Variants in TTC28 observed in about 807,000 individuals in gnomAD.
TTC28 encodes tetratricopeptide repeat domain 28.
Under a neutral mutation model 198.0 loss-of-function variants are expected in TTC28, and 61 were observed. The ratio of observed to expected loss-of-function variants is 0.31; its 90% CI spans 0.25 to 0.38. The LOEUF (loss-of-function observed/expected upper bound fraction) is 0.38. TTC28 is among the 10% of genes least tolerant of loss of function. TTC28 has a pLI of 1.00. For missense variants in TTC28, 2,678 were observed against 3,164.0 expected (o/e 0.85, Z 3.69); for synonymous variants, 1,171 against 1,297.8 (o/e 0.90, Z 2.10).
At chr22:28,404,702 A>G (rs1474111011) in intron 2 of TTC28, among the ~76,000 whole-genome samples, 1 of 152,228 alleles carries the variant, frequency 6.6e-6, no homozygotes, top group Non-Finnish European at 1.5e-5. Context: ...TACTAGAAGC[A>G]TTAACAATGG....
chr22:28,188,931 G>A (rs1336791574), intron 5 of TTC28, among the ~76,000 whole-genome samples: 2 of 152,068 alleles, frequency 1.3e-5, no homozygotes, highest in African/African-American at 2.4e-5. Context: ...CCTCATATGA[G>A]CAAAGATTAC....
chr22:28,083,738 G>A (rs184143243), intron 12 of TTC28, among the ~76,000 whole-genome samples: 58 of 152,206 alleles, frequency 3.8e-4, no homozygotes, highest in Admixed American at 3.7e-3. Context: ...GAAGCACAAG[G>A]GGTCAGGGAA....
At position 28,583,990 on chromosome 22, in the gene TTC28, T is replaced by G. The variant is rs951320717; in HGVS notation, c.381+45562A>C. ...TTATTTTCTCTCTTTCTCCGTTTTTTTTTTGTTTTGTTTTTGTTTTGTTTT... is the reference window on the plus strand; with the variant it reads ...TTATTTTCTCTCTTTCTCCGTTTTTGTTTTGTTTTGTTTTTGTTTTGTTTT... On this transcript the variant is annotated intron_variant, in intron 2 of 22. Coordinates refer to ENST00000397906, the MANE Select transcript of TTC28 (RefSeq NM_001145418.2). 1.9e-4 allele frequency among the ~76,000 whole-genome samples: 28 copies of G among 151,274 alleles called. No individual in the cohort carries two copies. The East Asian group carries it at 3.9e-3, about 21-fold the overall frequency.
At chr22:28,607,616 ATGTTAAGAC>A (rs1280271782) in intron 2 of TTC28, among the ~76,000 whole-genome samples, 1 of 152,212 alleles carries the variant, frequency 6.6e-6, no homozygotes, top group Non-Finnish European at 1.5e-5. Flanking sequence ...GCATGCACAG[ATGTTAAGAC>A]TTTTGGAATA....
intron 2 of TTC28, among the ~76,000 whole-genome samples, chr22:28,519,124 G>C (rs1169084263): frequency 1.3e-5 from 2 of 152,166 alleles, no homozygotes; most frequent in East Asian, 3.8e-4. Context: ...AGTGTAGCAG[G>C]AAGCAAGCCA....
At chr22:28,065,799 C>G in intron 12 of TTC28, among the ~76,000 whole-genome samples, 1 of 152,212 alleles carries the variant, frequency 6.6e-6, no homozygotes, top group East Asian at 1.9e-4. Context: ...GAGTTAGGCT[C>G]TGTCCATGTG....
intron 2 of TTC28, among the ~76,000 whole-genome samples, chr22:28,526,561 C>T (rs1359290461): frequency 6.6e-6 from 1 of 152,110 alleles, no homozygotes; most frequent in Non-Finnish European, 1.5e-5. Flanking sequence ...ACAGCTAGAA[C>T]CTAAGTAGAA....
At chr22:28,018,987 G>C (rs919278277) in intron 13 of TTC28, among the ~76,000 whole-genome samples, 60 of 152,220 alleles carry the variant, frequency 3.9e-4, no homozygotes, top group Non-Finnish European at 1.0e-4. Flanking sequence ...CACTGCAACA[G>C]TTAAAGCAAC....
chr22:28,564,575 AG>A (rs2049941067), intron 2 of TTC28, among the ~76,000 whole-genome samples: 1 of 151,920 alleles, frequency 6.6e-6, no homozygotes. Flanking sequence ...CTGTGATAGC[AG>A]TATTCCGTGG....
Position 28,062,931 on chromosome 22 carries a change from A to G in TTC28, c.3932+31149T>C, listed in dbSNP as rs184507890. ...CAGTCTTTTCTCTTAAAAATGAATC[A>G]CATTTTCCTGGTTCTTTAAATGTGA... On this transcript the variant is annotated intron_variant, in intron 12 of 22. Transcript: ENST00000397906. Among the ~76,000 whole-genome samples the G allele has an allele frequency of 1.6e-3, 245 of 152,310 alleles. 1 individual carries two copies. The highest frequency in any genetic ancestry group is 5.7e-3 in the African/African-American group (236 of 41,558).
Position 28,105,780 on chromosome 22 carries a change from C to A in TTC28, c.2806G>T (p.Ala936Ser), listed in dbSNP as rs955294172. The A allele has an allele frequency of 1.3e-6, 2 of 1,551,028 alleles. No individual in the cohort carries two copies. Among genetic ancestry groups the A allele is most frequent in the Non-Finnish European group, 1.7e-6 (2 of 1,146,790 alleles). Reference sequence around the variant, plus strand: ...AGCCTCTTTTCAAAGCACACAAGGGCTTGCTGCAAGCTCCCCATTGCCCTG... The same window carrying A: ...AGCCTCTTTTCAAAGCACACAAGGGATTGCTGCAAGCTCCCCATTGCCCTG... ...GHRAMGSLQQ[A>S]LVCFEKRLVV... The change falls in exon 8 of 23, where the codon GCC (alanine) becomes TCC (serine). Residue 936 changes from alanine (A) to serine (S), a missense_variant. Around this residue, in one of 8 missense-constraint regions of TTC28, gnomAD observed 775 missense variants for 845.9 expected, o/e 0.92. Transcript: ENST00000397906.
chr22:28,436,957 C>T (rs564847561), intron 2 of TTC28, among the ~76,000 whole-genome samples: 41 of 152,352 alleles, frequency 2.7e-4, no homozygotes, highest in Admixed American at 2.0e-3. Context: ...CCACAACACA[C>T]TGAAAGTGAA....
At chr22:28,276,327 A>G (rs1056539001) in intron 5 of TTC28, among the ~76,000 whole-genome samples, 1 of 152,052 alleles carries the variant, frequency 6.6e-6, no homozygotes, top group African/African-American at 2.4e-5. Flanking sequence ...ATTTTTTATT[A>G]TAGGAACCCT....
At chr22:28,435,638 A>G (rs2047508902) in intron 2 of TTC28, among the ~76,000 whole-genome samples, 1 of 152,188 alleles carries the variant, frequency 6.6e-6, no homozygotes, top group African/African-American at 2.4e-5. Flanking sequence ...AGTTGGGCCA[A>G]TTAAACTCTG....
intron 2 of TTC28, among the ~76,000 whole-genome samples, chr22:28,310,010 T>C (rs538147301): frequency 1.3e-4 from 20 of 152,256 alleles, no homozygotes; most frequent in Admixed American, 1.1e-3. Flanking sequence ...GATTATTCCA[T>C]GCATACTACT....
chr22:28,074,676 A>T (rs1468080205), intron 12 of TTC28, among the ~76,000 whole-genome samples: 2 of 152,184 alleles, frequency 1.3e-5, no homozygotes, highest in African/African-American at 4.8e-5. Flanking sequence ...TGACAGGCTC[A>T]TGACATTTTT....
chr22:28,225,365 A>AG (rs1491280775), intron 5 of TTC28, among the ~76,000 whole-genome samples: 30 of 81,948 alleles, frequency 3.7e-4, no homozygotes, highest in African/African-American at 1.7e-3. Flanking sequence ...AAAAAAAAAA[A>AG]GAAAAGAAGA....
At position 27,983,010 on chromosome 22, in the gene TTC28, G is replaced by A. The variant is rs17482652; in HGVS notation, c.6657C>T (p.Leu2219=). Residue 2219 remains leucine (L), a synonymous_variant, in exon 23 of 23, where the codon CTC becomes CTT. Coordinates refer to ENST00000397906, the MANE Select transcript of TTC28 (RefSeq NM_001145418.2). ...GTGATGGCTGACTCTTCTGATGGGAGAGAACAGGCCTGCTGAACGCACTGG... is the reference window on the plus strand; with the variant it reads ...GTGATGGCTGACTCTTCTGATGGGAAAGAACAGGCCTGCTGAACGCACTGG... The part of the protein sequence containing the change: ...SETSAFSRPV[L]SHQKSQPSPV... 41,120 of 1,551,696 alleles carry A rather than the reference G, an allele frequency of 0.026. 628 individuals carry two copies. The highest frequency in any genetic ancestry group is 0.031 in the Non-Finnish European group (35,097 of 1,146,986).
rs191751223 is a variant in TTC28, at chr22:28,153,453, T to C, written c.1441+9639A>G. On this transcript the variant is annotated intron_variant, in intron 6 of 22. Transcript: ENST00000397906. ...TTTGTTTTTTGTTTTTTTTTTAAAC[T>C]TACTTGGACCTTGATTTTTCTCATA... Among the ~76,000 whole-genome samples the C allele has an allele frequency of 2.1e-3, 320 of 150,002 alleles. 3 individuals carry two copies. Among genetic ancestry groups the C allele is most frequent in the African/African-American group, 7.5e-3 (307 of 41,048 alleles).
Sources: gnomAD v4.1 joint callset for allele counts (sites outside exome capture counted in the v4.1 genomes callset) on GRCh38, gnomAD v4.1.1 for gene constraint, gnomAD v4.1.1 regional missense constraint, MANE v1.5 for transcripts, NCBI Gene and HGNC (gene_info 2026-07-23, HGNC 2026-07-21) for gene names.